Variants in FSTL5 observed in about 807,000 individuals in gnomAD.
FSTL5 encodes the protein follistatin like 5.
Under a neutral mutation model 89.1 loss-of-function variants are expected in FSTL5, and 62 were observed. The ratio of observed to expected loss-of-function variants is 0.70; its 90% CI spans 0.57 to 0.86. FSTL5 has a LOEUF of 0.86. FSTL5 is among the 40% of genes least tolerant of loss of function. FSTL5 has a pLI of 0.00. For synonymous variants in FSTL5, 383 were observed against 346.2 expected (o/e 1.11, Z -1.18); for missense variants, 1,057 against 1,001.6 (o/e 1.06, Z -0.75).
intron 3 of FSTL5, among the ~76,000 whole-genome samples, chr4:161,965,974 C>G (rs200509749): frequency 6.6e-6 from 1 of 152,028 alleles, no homozygotes; most frequent in East Asian, 1.9e-4. Context: ...ATATTTAAAA[C>G]AGCTGGGACT....
chr4:161,989,060 A>G (rs904788832), intron 3 of FSTL5, among the ~76,000 whole-genome samples: 1 of 152,188 alleles, frequency 6.6e-6, no homozygotes, highest in Admixed American at 6.5e-5. Context: ...GATGTATTCT[A>G]CTTAAATCTT....
chr4:161,385,522 T>G lies in FSTL5; in HGVS notation c.*225A>C, dbSNP rs997924070. Reference sequence around the variant, plus strand: ...TTACATATTTGATTCTTGTGACTGATGTGATTTCTCATTAAATATTGTGCT... The same window carrying G: ...TTACATATTTGATTCTTGTGACTGAGGTGATTTCTCATTAAATATTGTGCT... On this transcript the variant is annotated 3_prime_UTR_variant, in exon 16 of 16. Coordinates refer to ENST00000306100, the MANE Select transcript of FSTL5 (RefSeq NM_020116.5). 2.2e-6 allele frequency: 1 copy of G among 450,056 alleles called. No homozygotes were observed. The highest frequency in any genetic ancestry group is 2.0e-5 in the African/African-American group (1 of 50,012). The allele number at this position is 450,056 out of a possible 1,614,324, so 27.9% of individuals were successfully genotyped here.
intron 3 of FSTL5, among the ~76,000 whole-genome samples, chr4:162,002,583 T>C (rs1185849276): frequency 6.6e-6 from 1 of 152,220 alleles, no homozygotes; most frequent in Non-Finnish European, 1.5e-5. Context: ...CTATGTTTCA[T>C]GGTAGTCACA....
chr4:161,585,911 T>A (rs1733598696), intron 8 of FSTL5, among the ~76,000 whole-genome samples: 1 of 152,168 alleles, frequency 6.6e-6, no homozygotes, highest in East Asian at 1.9e-4. Flanking sequence ...CAACTTTGCA[T>A]CTCGCCTGCT....
At chr4:162,018,927 C>T (rs1736993627) in intron 3 of FSTL5, among the ~76,000 whole-genome samples, 1 of 152,014 alleles carries the variant, frequency 6.6e-6, no homozygotes, top group Non-Finnish European at 1.5e-5. Flanking sequence ...CTGAATTGTC[C>T]ATATATTATT....
In FSTL5 at chr4:161,820,899, C is replaced by T. The variant is rs967699021; in HGVS notation, c.410-44825G>A. On this transcript the variant is annotated intron_variant, in intron 4 of 15. Coordinates refer to ENST00000306100, the MANE Select transcript of FSTL5 (RefSeq NM_020116.5). Reference sequence around the variant, plus strand: ...TTACAACACTTAGTATTCTTTAATACGATATTTCAAAAATTCTTAATCAGA... The same window carrying T: ...TTACAACACTTAGTATTCTTTAATATGATATTTCAAAAATTCTTAATCAGA... 8.1e-5 allele frequency among the ~76,000 whole-genome samples: 12 copies of T among 148,332 alleles called. No homozygotes were observed. The East Asian group carries it at 9.9e-4, about 12-fold the overall frequency.
chr4:161,951,059 C>T (rs1444745301), intron 3 of FSTL5, among the ~76,000 whole-genome samples: 1 of 151,968 alleles, frequency 6.6e-6, no homozygotes, highest in African/African-American at 2.4e-5. Flanking sequence ...CCGTGCTGTT[C>T]TCATGACAGC....
chr4:162,089,260 G>A (rs1258221378), intron 2 of FSTL5, among the ~76,000 whole-genome samples: 1 of 151,966 alleles, frequency 6.6e-6, no homozygotes, highest in Non-Finnish European at 1.5e-5. Flanking sequence ...ATCTGTTATA[G>A]CAAAACACCG....
At chr4:161,841,570 T>C (rs1299771905) in intron 4 of FSTL5, among the ~76,000 whole-genome samples, 1 of 152,176 alleles carries the variant, frequency 6.6e-6, no homozygotes, top group Non-Finnish European at 1.5e-5. Context: ...TAAAAATATA[T>C]TGTTAAACAG....
At chr4:161,719,820 C>G (rs1190517694) in intron 6 of FSTL5, among the ~76,000 whole-genome samples, 1 of 152,074 alleles carries the variant, frequency 6.6e-6, no homozygotes, top group Admixed American at 6.6e-5. Flanking sequence ...TTGCCTGTAA[C>G]TTCACTAAAT....
chr4:161,704,658 C>A (rs1175249029), intron 6 of FSTL5, among the ~76,000 whole-genome samples: 1 of 151,940 alleles, frequency 6.6e-6, no homozygotes, highest in East Asian at 1.9e-4. Flanking sequence ...AAAAATAGCA[C>A]CTAGTTAAGA....
At chr4:161,429,516 G>C (rs1732279859) in intron 15 of FSTL5, among the ~76,000 whole-genome samples, 1 of 152,180 alleles carries the variant, frequency 6.6e-6, no homozygotes, top group Admixed American at 6.5e-5. Flanking sequence ...GTTCAGCACA[G>C]AAAGACTTTG....
At chr4:162,020,761 CTTA>C (rs1737054150) in intron 3 of FSTL5, among the ~76,000 whole-genome samples, 1 of 151,844 alleles carries the variant, frequency 6.6e-6, no homozygotes, top group Non-Finnish European at 1.5e-5. Context: ...AAAAAAGTTA[CTTA>C]TTATTTAATT....
chr4:162,065,652 A>C (rs1738870124), intron 2 of FSTL5, among the ~76,000 whole-genome samples: 1 of 151,974 alleles, frequency 6.6e-6, no homozygotes, highest in Admixed American at 6.6e-5. Flanking sequence ...AAAGGTGTGA[A>C]GATTCCTCAG....
chr4:161,579,825 G>A (rs576490964), intron 8 of FSTL5, among the ~76,000 whole-genome samples: 1 of 151,356 alleles, frequency 6.6e-6, no homozygotes, highest in Non-Finnish European at 1.5e-5. Flanking sequence ...ATAAGCCCAG[G>A]ATACAAATGT....
intron 6 of FSTL5, among the ~76,000 whole-genome samples, chr4:161,657,715 A>G (rs1172333274): frequency 3.3e-5 from 5 of 152,178 alleles, no homozygotes; most frequent in Non-Finnish European, 4.4e-5. Context: ...GGTTTTTGGC[A>G]TCATCACAAA....
At chr4:161,392,474 C>A (rs1578938439) in intron 15 of FSTL5, among the ~76,000 whole-genome samples, 1 of 152,162 alleles carries the variant, frequency 6.6e-6, no homozygotes, top group Non-Finnish European at 1.5e-5. Context: ...ATCCTCCCAC[C>A]TTGGCCTCCC....
At chr4:161,404,381 C>T (rs1352480087) in intron 15 of FSTL5, among the ~76,000 whole-genome samples, 6 of 151,906 alleles carry the variant, frequency 3.9e-5, no homozygotes, top group African/African-American at 1.5e-4. Flanking sequence ...CCCAGATAAA[C>T]GAGGCAGGAC....
At chr4:161,809,134 G>T (rs572955099) in intron 4 of FSTL5, among the ~76,000 whole-genome samples, 1 of 152,276 alleles carries the variant, frequency 6.6e-6, no homozygotes, top group African/African-American at 2.4e-5. Flanking sequence ...CAGGAGAATG[G>T]CGTGAACCCG....
Sources: gnomAD v4.1 joint callset for allele counts (sites outside exome capture counted in the v4.1 genomes callset) on GRCh38, gnomAD v4.1.1 for gene constraint, MANE v1.5 for transcripts, NCBI Gene and HGNC (gene_info 2026-07-23, HGNC 2026-07-21) for gene names.